The following C7 variants were observed in gnomAD, a reference collection of about 807,000 sequenced individuals.
The protein encoded by C7 is complement component C7.
Under a neutral mutation model 104.8 loss-of-function variants are expected in C7, and 83 were observed. That is an observed-to-expected ratio of 0.79 (90% CI 0.66 to 0.95). C7 has a LOEUF of 0.95. Among genes scored for constraint, C7 ranks in the 40% least tolerant of loss-of-function variants. The pLI, the probability that C7 is intolerant of heterozygous loss-of-function variation, is 0.00. For synonymous variants in C7, 415 were observed against 360.6 expected (o/e 1.15, Z -1.71); for missense variants, 1,070 against 1,011.2 (o/e 1.06, Z -0.79).
chr5:40,951,911 A>G (rs1486178537), intron 9 of C7, among the ~76,000 whole-genome samples: 2 of 152,212 alleles, frequency 1.3e-5, no homozygotes, highest in Non-Finnish European at 2.9e-5. Flanking sequence ...AGTCTGTGGT[A>G]TGTGCCAGGA....
chr5:40,919,126 CT>C (rs35920628), intron 1 of C7, among the ~76,000 whole-genome samples: 2,024 of 143,282 alleles, frequency 0.014, 41 homozygotes, highest in African/African-American at 0.042. Context: ...TATCAAGTAT[CT>C]TTTTTTTTTT....
At chr5:40,977,307 T>A (rs935891769) in intron 16 of C7, among the ~76,000 whole-genome samples, 3 of 152,188 alleles carry the variant, frequency 2.0e-5, no homozygotes, top group African/African-American at 7.2e-5. Flanking sequence ...TAGGAGGATA[T>A]CTCTGAAGTA....
chr5:40,934,303 C>A, intron 3 of C7, 22 bp from the exon 4 acceptor site: 1 of 1,543,198 alleles, frequency 6.5e-7, no homozygotes, highest in Non-Finnish European at 8.8e-7. Flanking sequence ...AACAAACAAA[C>A]CACTGCCTGC....
chr5:40,919,927 G>A (rs1180005466), intron 1 of C7, among the ~76,000 whole-genome samples: 9 of 151,296 alleles, frequency 5.9e-5, no homozygotes, highest in Admixed American at 2.6e-4. Context: ...CATACCTCAA[G>A]GAAACAGAAA....
rs536910800 is a variant in C7, at chr5:40,934,234, TC to T, written c.139-90del. On this transcript the variant is annotated intron_variant, in intron 3 of 17. Coordinates refer to ENST00000313164, the MANE Select transcript of C7 (RefSeq NM_000587.4). ...TTGTTTTTCTAATTGTATTACTTTT[TC>T]TCAGATTTTATTACTCAGATAAAGG... 36 of 1,272,012 alleles carry T rather than the reference TC, an allele frequency of 2.8e-5. No individual in the cohort carries two copies. The African/African-American group carries it at 4.8e-4, about 17-fold the overall frequency. The allele number at this position is 1,272,012 out of a possible 1,614,324, so 78.8% of individuals were successfully genotyped here. A position where few individuals can be genotyped will look rare whatever the true frequency, so the allele number is the denominator to read the frequency against.
intron 14 of C7, among the ~76,000 whole-genome samples, chr5:40,966,593 G>A (rs762759938): frequency 2.0e-5 from 3 of 151,960 alleles, no homozygotes; most frequent in African/African-American, 7.3e-5. Context: ...TGGCCAGGAT[G>A]GTCTTGAACT....
intron 2 of C7, among the ~76,000 whole-genome samples, chr5:40,928,894 C>A (rs973645153): frequency 1.3e-5 from 2 of 151,870 alleles, no homozygotes; most frequent in African/African-American, 2.4e-5. Context: ...GTCTCAGTGC[C>A]GTGGTTTTAT....
At chr5:40,936,668 G>A (rs1739824525) in intron 5 of C7, among the ~76,000 whole-genome samples, 183 bp downstream of exon 5, 1 of 152,132 alleles carries the variant, frequency 6.6e-6, no homozygotes, top group Non-Finnish European at 1.5e-5. Flanking sequence ...GTAGATACAT[G>A]TGGTAGATGC....
At chr5:40,980,069 C>T (rs1579881514) in intron 17 of C7, 160 bp downstream of exon 17, 5 of 483,842 alleles carry the variant, frequency 1.0e-5, no homozygotes, top group Non-Finnish European at 1.7e-5. Flanking sequence ...CTATACCCCT[C>T]ACTGGAGAAG....
At chr5:40,930,441 A>G (rs1739657683) in intron 2 of C7, among the ~76,000 whole-genome samples, 1 of 151,476 alleles carries the variant, frequency 6.6e-6, no homozygotes, top group Non-Finnish European at 1.5e-5. Context: ...CCTGATCTCA[A>G]GTGATCTGCA....
Position 40,909,506 on chromosome 5 carries a change from C to A in C7, c.-105C>A. On this transcript the variant is annotated 5_prime_UTR_variant, in exon 1 of 18. Coordinates refer to ENST00000313164, the MANE Select transcript of C7 (RefSeq NM_000587.4). ...CAAGATAATCTAGAGCAGGGAGAGG[C>A]AGAGAGGCAGGCAGCCTGCTGGGCT... 1 of 747,772 alleles carries A rather than the reference C, an allele frequency of 1.3e-6. No homozygotes were observed. Among genetic ancestry groups the A allele is most frequent in the Non-Finnish European group, 2.2e-6 (1 of 446,498 alleles). The allele number at this position is 747,772 out of a possible 1,614,324, so 46.3% of individuals were successfully genotyped here.
chr5:40,959,803 C>T (rs1481033533), intron 12 of C7, among the ~76,000 whole-genome samples, 183 bp downstream of exon 12: 3 of 152,140 alleles, frequency 2.0e-5, no homozygotes, highest in Non-Finnish European at 4.4e-5. Context: ...TCAGGTTTTC[C>T]TGAAACAAGT....
At chr5:40,943,067 C>T (rs560721841) in intron 6 of C7, among the ~76,000 whole-genome samples, 34 of 152,300 alleles carry the variant, frequency 2.2e-4, no homozygotes, top group South Asian at 1.0e-3. Context: ...CATGCCTGGC[C>T]TAGCAAGCCC....
chr5:40,972,247 A>G (rs899404009), intron 14 of C7, among the ~76,000 whole-genome samples, 156 bp from the exon 15 acceptor site: 26 of 152,158 alleles, frequency 1.7e-4, no homozygotes, highest in Non-Finnish European at 3.7e-4. Context: ...TCTGTGTGAC[A>G]TGTCTTTCAG....
At chr5:40,943,354 G>A (rs1290575614) in intron 6 of C7, among the ~76,000 whole-genome samples, 2 of 152,168 alleles carry the variant, frequency 1.3e-5, no homozygotes, top group African/African-American at 4.8e-5. Flanking sequence ...GATTTCAGAG[G>A]AAGAATCAGT....
chr5:40,984,238 G>A lies in C7; in HGVS notation c.*2665G>A, dbSNP rs1397947202. On this transcript the variant is annotated 3_prime_UTR_variant, in exon 18 of 18. Transcript: ENST00000313164. Reference sequence around the variant, plus strand: ...TAATGTAACCTTCTTTCCCAGTGCAGGATGACTTGTAATCACCTTGAAAGA... The same window carrying A: ...TAATGTAACCTTCTTTCCCAGTGCAAGATGACTTGTAATCACCTTGAAAGA... Among the ~76,000 whole-genome samples, 1 of 152,178 alleles carries A rather than the reference G, an allele frequency of 6.6e-6. No homozygotes were observed. Among genetic ancestry groups the A allele is most frequent in the African/African-American group, 2.4e-5 (1 of 41,430 alleles).
chr5:40,966,404 C>T (rs1409882889), intron 14 of C7, among the ~76,000 whole-genome samples: 2 of 150,856 alleles, frequency 1.3e-5, no homozygotes, highest in African/African-American at 2.4e-5. Context: ...TGGAGTCTCT[C>T]TCTGTTGCCC....
chr5:40,951,589 C>A (rs1740171370), intron 9 of C7, among the ~76,000 whole-genome samples: 1 of 152,124 alleles, frequency 6.6e-6, no homozygotes, highest in South Asian at 2.1e-4. Flanking sequence ...AGGTAACAAA[C>A]CTGAACATGT....
rs1426011818 is a variant in C7, at chr5:40,983,329, C to T, written c.*1756C>T. On this transcript the variant is annotated 3_prime_UTR_variant, in exon 18 of 18. Coordinates refer to ENST00000313164, the MANE Select transcript of C7 (RefSeq NM_000587.4). ...CTTAAGCTAGTATGGAGTTAGATTC[C>T]TACCGCTTATGTATCACCATGCCCC... Among the ~76,000 whole-genome samples, 3 of 152,130 alleles carry T rather than the reference C, an allele frequency of 2.0e-5. No homozygotes were observed. The South Asian group carries it at 6.2e-4, about 31-fold the overall frequency.
Sources: gnomAD v4.1 joint callset for allele counts (sites outside exome capture counted in the v4.1 genomes callset) on GRCh38, gnomAD v4.1.1 for gene constraint, MANE v1.5 for transcripts, NCBI Gene and HGNC (gene_info 2026-07-23, HGNC 2026-07-21) for gene names.